ODAD2: variants seen among roughly 807,000 people sequenced by gnomAD.
The protein encoded by ODAD2 is outer dynein arm-docking complex subunit 2.
ODAD2 carries 89 observed loss-of-function variants against 106.8 expected under a neutral mutation model. The ratio of observed to expected loss-of-function variants is 0.83; its 90% CI spans 0.70 to 0.99. The LOEUF (loss-of-function observed/expected upper bound fraction) is 0.99, where lower values mean the gene tolerates loss of function less well. Among genes scored for constraint, ODAD2 ranks in the 50% least tolerant of loss-of-function variants. The pLI, the probability that ODAD2 is intolerant of heterozygous loss-of-function variation, is 0.00. For synonymous variants in ODAD2, 404 were observed against 436.2 expected (o/e 0.93, Z 0.92); for missense variants, 1,168 against 1,238.5 (o/e 0.94, Z 0.85).
chr10:27,862,661 A>C (rs1448236106), intron 17 of ODAD2, 39 bp from the exon 18 acceptor site: 10 of 1,495,266 alleles, frequency 6.7e-6, no homozygotes, highest in Non-Finnish European at 9.0e-6. Flanking sequence ...TCAAAACTAA[A>C]CCTACATTTA....
At chr10:27,971,367 C>A in intron 7 of ODAD2, 54 bp from the exon 8 acceptor site, 1 of 1,413,398 alleles carries the variant, frequency 7.1e-7, no homozygotes, top group South Asian at 1.4e-5. Context: ...ATCTAGTGTT[C>A]TCTGAAGATT....
intron 6 of ODAD2, among the ~76,000 whole-genome samples, chr10:27,982,169 T>C (rs1020278865): frequency 2.8e-4 from 43 of 151,992 alleles, no homozygotes; most frequent in Non-Finnish European, 5.7e-4. Flanking sequence ...ACAGAATATA[T>C]ATATATAATG....
At chr10:27,870,860 G>A (rs552032877) in intron 17 of ODAD2, among the ~76,000 whole-genome samples, 159 of 152,256 alleles carry the variant, frequency 1.0e-3, no homozygotes, top group African/African-American at 3.5e-3. Context: ...AATCCTTTGG[G>A]TATATACCCA....
chr10:27,885,525 A>ATATAT (rs1288666186), intron 17 of ODAD2, among the ~76,000 whole-genome samples: 1 of 19,852 alleles, frequency 5.0e-5, no homozygotes, highest in African/African-American at 1.7e-4. Flanking sequence ...AAAAAAAAAA[A>ATATAT]AAAAAAAAAT....
chr10:27,990,579 G>C (rs1282506341), intron 2 of ODAD2, among the ~76,000 whole-genome samples: 1 of 152,200 alleles, frequency 6.6e-6, no homozygotes, highest in Non-Finnish European at 1.5e-5. Flanking sequence ...AAAATAAATA[G>C]CTCAGTAACA....
intron 10 of ODAD2, among the ~76,000 whole-genome samples, chr10:27,948,501 G>A (rs1847096258): frequency 6.6e-6 from 1 of 152,264 alleles, no homozygotes; most frequent in South Asian, 2.1e-4. Flanking sequence ...ATATCGAACT[G>A]AGAAGAAACC....
At chr10:27,902,186 C>A (rs1269748560) in intron 17 of ODAD2, among the ~76,000 whole-genome samples, 1 of 152,174 alleles carries the variant, frequency 6.6e-6, no homozygotes. Flanking sequence ...GGAAACTGAA[C>A]AACCTGCTCC....
chr10:27,817,620 G>A (rs1324440822), intron 19 of ODAD2, among the ~76,000 whole-genome samples: 2 of 152,060 alleles, frequency 1.3e-5, no homozygotes, highest in Non-Finnish European at 2.9e-5. Context: ...ATTTCACTTA[G>A]GATAAGGGCC....
intron 3 of ODAD2, among the ~76,000 whole-genome samples, chr10:27,986,136 C>A (rs1849861138): frequency 6.6e-6 from 1 of 152,130 alleles, no homozygotes; most frequent in Admixed American, 6.5e-5. Context: ...GAGAAAAGGA[C>A]TTCACTGGGG....
Position 27,862,484 on chromosome 10 carries a change from C to T in ODAD2, c.2749G>A (p.Val917Ile). Residue 917 changes from valine (V) to isoleucine (I), a missense_variant, in exon 18 of 20, where the codon GTT (valine) becomes ATT (isoleucine). By Grantham distance (29) the Val-to-Ile change is conservative (BLOSUM62 3). Transcript: ENST00000305242. ...GGAACAACTCCATGATCTGTGATAA[C>T]AGCTAAATTTTCTTGATCTTTTGCT... ...NIAKDQENLA[V>I]ITDHGVVPLL... is the part of the protein sequence containing the mutation. The T allele has an allele frequency of 1.2e-6, 2 of 1,612,358 alleles. No homozygotes were observed. Among genetic ancestry groups the T allele is most frequent in the South Asian group, 1.1e-5 (1 of 90,692 alleles).
At chr10:27,849,169 T>C (rs932776944) in intron 19 of ODAD2, among the ~76,000 whole-genome samples, 1 of 152,162 alleles carries the variant, frequency 6.6e-6, no homozygotes, top group African/African-American at 2.4e-5. Context: ...TCATCAATGA[T>C]AGACTGGATT....
chr10:27,908,640 A>G (rs1274025060), intron 16 of ODAD2, among the ~76,000 whole-genome samples: 1 of 152,222 alleles, frequency 6.6e-6, no homozygotes, highest in East Asian at 1.9e-4. Flanking sequence ...TGAATTAAAC[A>G]CATGTAGTAT....
chr10:27,812,720 A>AT, intron 19 of ODAD2, 95 bp from the exon 20 acceptor site: 4 of 1,426,824 alleles, frequency 2.8e-6, no homozygotes, highest in Admixed American at 3.3e-5. Flanking sequence ...TCAATAGTAA[A>AT]TTTTTTTAAA....
Position 27,944,239 on chromosome 10 carries a change from C to G in ODAD2, c.1726G>C (p.Gly576Arg). ...KRARRVVRQHGGITKLVALLD... is the reference protein window; with the variant it reads ...KRARRVVRQHRGITKLVALLD... ...CTACTCACCAGTTTGGTGATACCCC[C>G]GTGCTGCCTCACCACCCGCCGTGCT... Residue 576 changes from glycine (G) to arginine (R), a missense_variant, in exon 12 of 20, where the codon GGG (glycine) becomes CGG (arginine). This residue lies in a region of ODAD2 where 701 missense variants were observed against 712.3 expected (regional missense o/e 0.98). Coordinates refer to ENST00000305242, the MANE Select transcript of ODAD2 (RefSeq NM_018076.5). 1 of 1,612,674 alleles carries G rather than the reference C, an allele frequency of 6.2e-7. No individual in the cohort carries two copies. Among genetic ancestry groups the G allele is most frequent in the Non-Finnish European group, 8.5e-7 (1 of 1,179,820 alleles).
At chr10:27,832,170 C>T (rs1434978043) in intron 19 of ODAD2, among the ~76,000 whole-genome samples, 2 of 152,204 alleles carry the variant, frequency 1.3e-5, no homozygotes, top group East Asian at 1.9e-4. Flanking sequence ...AACCACTCCT[C>T]GGAACCTTTC....
intron 1 of ODAD2, among the ~76,000 whole-genome samples, chr10:27,998,114 A>G (rs2133254350): frequency 6.6e-6 from 1 of 152,364 alleles, no homozygotes; most frequent in East Asian, 1.9e-4. Context: ...ACAGAAGCAC[A>G]ACCGAATTCT....
chr10:27,899,890 C>T (rs1371127458), intron 17 of ODAD2, among the ~76,000 whole-genome samples: 1 of 152,174 alleles, frequency 6.6e-6, no homozygotes, highest in East Asian at 1.9e-4. Context: ...GGCACAGCTT[C>T]ATCTAACTTA....
At chr10:27,857,511 ACT>A (rs1321007547) in intron 19 of ODAD2, among the ~76,000 whole-genome samples, 3 of 152,170 alleles carry the variant, frequency 2.0e-5, no homozygotes, top group Admixed American at 6.6e-5. Flanking sequence ...AATTAATTTC[ACT>A]GTTTCCTTTT....
chr10:27,987,357 C>T (rs1180161211), intron 3 of ODAD2, 29 bp downstream of exon 3: 1 of 1,595,214 alleles, frequency 6.3e-7, no homozygotes, highest in Non-Finnish European at 8.5e-7. Flanking sequence ...TCTAAAAGTT[C>T]AAATCACAGA....
Sources: allele counts gnomAD v4.1 joint callset (sites outside exome capture counted in the v4.1 genomes callset), GRCh38; gene constraint gnomAD v4.1.1; regional missense constraint gnomAD v4.1.1; transcripts MANE v1.5; gene names NCBI Gene and HGNC (gene_info 2026-07-23, HGNC 2026-07-21).